HMCN1: variants seen among roughly 807,000 people sequenced by gnomAD.
HMCN1 encodes the protein hemicentin-1.
A neutral mutation model predicts 625.9 loss-of-function variants in HMCN1; 321 were observed. The observed-to-expected ratio is 0.51, with a 90% CI of 0.47 to 0.56. The LOEUF (loss-of-function observed/expected upper bound fraction) is 0.56. HMCN1 is among the 20% of genes least tolerant of loss of function. The pLI is 0.00. For synonymous variants in HMCN1, 2,425 were observed against 2,417.6 expected (o/e 1.00, Z -0.09); for missense variants, 6,588 against 6,887.3 (o/e 0.96, Z 1.54).
chr1:186,102,405 C>T (rs1323906627), intron 68 of HMCN1, among the ~76,000 whole-genome samples: 2 of 152,072 alleles, frequency 1.3e-5, no homozygotes, highest in Non-Finnish European at 2.9e-5. Flanking sequence ...ATAATACCAA[C>T]AGTTGCAGTA....
At chr1:185,820,798 A>G (rs1660137212) in intron 1 of HMCN1, among the ~76,000 whole-genome samples, 1 of 152,128 alleles carries the variant, frequency 6.6e-6, no homozygotes, top group Non-Finnish European at 1.5e-5. Flanking sequence ...GGTGTATAGC[A>G]ATATTTTATG....
chr1:185,865,621 AC>A, intron 3 of HMCN1, 119 bp from the exon 4 acceptor site: 61 of 744,474 alleles, frequency 8.2e-5, no homozygotes, highest in Non-Finnish European at 1.1e-4. Flanking sequence ...ACACACACAC[AC>A]ACACACACAT....
chr1:185,860,870 AG>A (rs1367446333), intron 2 of HMCN1, among the ~76,000 whole-genome samples: 1 of 152,060 alleles, frequency 6.6e-6, no homozygotes, highest in African/African-American at 2.4e-5. Context: ...TTTTTTTTCC[AG>A]GAAAATAAGG....
intron 30 of HMCN1, among the ~76,000 whole-genome samples, chr1:186,014,140 G>A (rs1442921681): frequency 2.0e-5 from 3 of 152,120 alleles, no homozygotes; most frequent in South Asian, 2.1e-4. Context: ...TAGCATGTAC[G>A]TTTGGTAGCA....
At chr1:186,189,318 C>T (rs1195157717) in intron 106 of HMCN1, among the ~76,000 whole-genome samples, 194 bp from the exon 107 acceptor site, 1 of 152,184 alleles carries the variant, frequency 6.6e-6, no homozygotes, top group Non-Finnish European at 1.5e-5. Context: ...TGACTTCACA[C>T]CAGCATCTTC....
intron 15 of HMCN1, among the ~76,000 whole-genome samples, chr1:185,976,116 TAGAG>T (rs1651193552): frequency 1.3e-5 from 2 of 152,200 alleles, no homozygotes; most frequent in East Asian, 1.9e-4. Flanking sequence ...ATGAGAATGG[TAGAG>T]AGTGAGTTTT....
rs12087462 is a variant in HMCN1, at chr1:186,001,662, A to G, written c.4269A>G (p.Pro1423=). The G allele has an allele frequency of 2.8e-3, 4,523 of 1,612,768 alleles. 109 individuals are homozygous for G. In the African/African-American group the frequency reaches 0.048, roughly 17 times the overall value. ...TACTGAAGCTCTTCAGAGCCACTCC[A>G]GAGGATGCAGGAAGATATTCCTGCA... The part of the protein sequence containing the change: ...GKILKLFRAT[P]EDAGRYSCKA... Residue 1423 remains proline (P), a synonymous_variant, in exon 28 of 107, where the codon CCA becomes CCG. Coordinates refer to ENST00000271588, the MANE Select transcript of HMCN1 (RefSeq NM_031935.3).
At position 186,123,154 on chromosome 1, in the gene HMCN1, C is replaced by T; in HGVS notation, c.12433C>T (p.His4145Tyr). The change falls in exon 81 of 107, where the codon CAT (histidine) becomes TAT (tyrosine). Residue 4145 changes from histidine (H) to tyrosine (Y), a missense_variant. By Grantham distance (83) the His-to-Tyr change is moderately conservative (BLOSUM62 2). Coordinates refer to ENST00000271588, the MANE Select transcript of HMCN1 (RefSeq NM_031935.3). ...IAFVQPGDAGHYTCMAANVAG... is the reference protein window; with the variant it reads ...IAFVQPGDAGYYTCMAANVAG... Reference sequence around the variant, plus strand: ...ATTTGTCCAGCCTGGTGATGCTGGCCATTACACGTGCATGGCAGCCAATGT... The same window carrying T: ...ATTTGTCCAGCCTGGTGATGCTGGCTATTACACGTGCATGGCAGCCAATGT... 1 of 1,613,974 alleles carries T rather than the reference C, an allele frequency of 6.2e-7. No homozygotes were observed. Among genetic ancestry groups the T allele is most frequent in the Non-Finnish European group, 8.5e-7 (1 of 1,179,952 alleles).
chr1:186,097,034 T>C (rs1443926137), intron 68 of HMCN1, among the ~76,000 whole-genome samples: 3 of 152,126 alleles, frequency 2.0e-5, no homozygotes, highest in Non-Finnish European at 4.4e-5. Flanking sequence ...ATTGAAGTCC[T>C]AGCTAGAGCA....
chr1:185,913,543 T>A (rs1305191919), intron 6 of HMCN1, among the ~76,000 whole-genome samples: 1 of 152,080 alleles, frequency 6.6e-6, no homozygotes, highest in Non-Finnish European at 1.5e-5. Flanking sequence ...TCCACTGGAG[T>A]AATTTTTTCT....
chr1:185,897,677 A>G (rs1665564921), intron 4 of HMCN1, among the ~76,000 whole-genome samples: 1 of 152,182 alleles, frequency 6.6e-6, no homozygotes, highest in Non-Finnish European at 1.5e-5. Flanking sequence ...AGATTTGACC[A>G]TCTTCTTTGC....
chr1:185,750,254 AGAAT>A (rs746118630), intron 1 of HMCN1, among the ~76,000 whole-genome samples: 16 of 152,200 alleles, frequency 1.1e-4, no homozygotes, highest in Non-Finnish European at 4.4e-5. Flanking sequence ...ATTTAAAGAA[AGAAT>A]GAATTTTTTG....
intron 104 of HMCN1, among the ~76,000 whole-genome samples, chr1:186,181,832 T>C (rs1035044620): frequency 6.6e-5 from 10 of 152,090 alleles, no homozygotes; most frequent in African/African-American, 2.4e-4. Context: ...CATATTTTGG[T>C]GGTTTAGGAT....
chr1:185,761,078 A>G (rs1655472256), intron 1 of HMCN1, among the ~76,000 whole-genome samples: 3 of 152,112 alleles, frequency 2.0e-5, no homozygotes, highest in African/African-American at 7.2e-5. Flanking sequence ...AAGTTTCCCC[A>G]AGCAGACCTC....
intron 102 of HMCN1, among the ~76,000 whole-genome samples, chr1:186,173,322 C>T (rs1416247715): frequency 6.6e-6 from 1 of 152,016 alleles, no homozygotes; most frequent in Non-Finnish European, 1.5e-5. Flanking sequence ...AAAACAACAA[C>T]TGGTGATGGG....
At chr1:185,787,141 A>ATGTGTGTGTG (rs375544191) in intron 1 of HMCN1, among the ~76,000 whole-genome samples, 64 of 141,338 alleles carry the variant, frequency 4.5e-4, no homozygotes, top group African/African-American at 1.2e-3. Flanking sequence ...GCCATGATGT[A>ATGTGTGTGTG]TGTGTGTGTG....
chr1:185,823,205 A>G (rs1458668475), intron 1 of HMCN1, among the ~76,000 whole-genome samples: 1 of 152,044 alleles, frequency 6.6e-6, no homozygotes, highest in Non-Finnish European at 1.5e-5. Flanking sequence ...TTCCCTCTAA[A>G]CTGGAAATTT....
intron 42 of HMCN1, 55 bp downstream of exon 42, chr1:186,048,894 C>T: frequency 9.7e-7 from 1 of 1,030,476 alleles, no homozygotes; most frequent in Non-Finnish European, 1.5e-6. Context: ...TTTTGTGTCA[C>T]TTAAAATGAC....
chr1:186,117,931 C>T (rs1405280880), intron 77 of HMCN1, among the ~76,000 whole-genome samples: 1 of 152,042 alleles, frequency 6.6e-6, no homozygotes, highest in African/African-American at 2.4e-5. Flanking sequence ...CCCGAGTTAC[C>T]TGTGAGTGAA....
Sources: gnomAD v4.1 joint callset for allele counts (sites outside exome capture counted in the v4.1 genomes callset) on GRCh38, gnomAD v4.1.1 for gene constraint, MANE v1.5 for transcripts, NCBI Gene and HGNC (gene_info 2026-07-23, HGNC 2026-07-21) for gene names.